SORCS2: variants seen among roughly 807,000 people sequenced by gnomAD.
SORCS2 encodes the protein sortilin related VPS10 domain containing receptor 2.
SORCS2 carries 100 observed loss-of-function variants against 141.6 expected under a neutral mutation model. That is an observed-to-expected ratio of 0.71 (90% CI 0.60 to 0.83). SORCS2 has a LOEUF of 0.83. Among genes scored for constraint, SORCS2 ranks in the 40% least tolerant of loss-of-function variants. The pLI is 0.00. For synonymous variants in SORCS2, 789 were observed against 676.9 expected (o/e 1.17, Z -2.57); for missense variants, 1,646 against 1,560.2 (o/e 1.05, Z -0.93).
intron 1 of SORCS2, among the ~76,000 whole-genome samples, chr4:7,262,361 C>T (rs1032776382): frequency 1.7e-4 from 25 of 145,854 alleles, no homozygotes; most frequent in South Asian, 1.1e-3. Flanking sequence ...CATCCATCCA[C>T]CCACCTATCC....
chr4:7,609,632 G>GA (rs1316660334), intron 3 of SORCS2, among the ~76,000 whole-genome samples: 10 of 152,236 alleles, frequency 6.6e-5, no homozygotes, highest in Admixed American at 5.9e-4. Context: ...CTAGGGCCTG[G>GA]CACATAAATG....
intron 4 of SORCS2, among the ~76,000 whole-genome samples, chr4:7,652,700 C>G (rs1210472570): frequency 6.6e-6 from 1 of 152,180 alleles, no homozygotes; most frequent in East Asian, 1.9e-4. Context: ...CTGCTGCCCC[C>G]AGCTGGGCCC....
chr4:7,199,479 A>G (rs930412018), intron 1 of SORCS2, among the ~76,000 whole-genome samples: 2 of 151,926 alleles, frequency 1.3e-5, no homozygotes, highest in African/African-American at 4.8e-5. Context: ...AGCCTGGTGG[A>G]GGGGCTGCCC....
intron 3 of SORCS2, among the ~76,000 whole-genome samples, chr4:7,610,312 G>A (rs1289646149): frequency 6.6e-6 from 1 of 152,150 alleles, no homozygotes; most frequent in East Asian, 1.9e-4. Flanking sequence ...CCAGTTAAAT[G>A]AGGACACTCA....
chr4:7,666,935 C>T (rs1371342780), intron 7 of SORCS2, among the ~76,000 whole-genome samples, 189 bp from the exon 8 acceptor site: 1 of 151,992 alleles, frequency 6.6e-6, no homozygotes, highest in African/African-American at 2.4e-5. Context: ...AAGACAACTT[C>T]CCAGAGGAGG....
intron 3 of SORCS2, among the ~76,000 whole-genome samples, chr4:7,553,817 G>A (rs576935498): frequency 6.6e-6 from 1 of 152,340 alleles, no homozygotes; most frequent in African/African-American, 2.4e-5. Flanking sequence ...GGAGAGGAAG[G>A]TGAAGGTGGG....
At chr4:7,276,541 C>T (rs1715512845) in intron 1 of SORCS2, among the ~76,000 whole-genome samples, 1 of 152,134 alleles carries the variant, frequency 6.6e-6, no homozygotes, top group Admixed American at 6.5e-5. Context: ...GCTGTGAGGC[C>T]CCCTTATTGC....
chr4:7,354,633 G>A (rs1335893380), intron 1 of SORCS2, among the ~76,000 whole-genome samples: 1 of 152,182 alleles, frequency 6.6e-6, no homozygotes, highest in Non-Finnish European at 1.5e-5. Flanking sequence ...GGGAGCTTCT[G>A]CACACCAAAT....
At chr4:7,537,985 C>T (rs910660587) in intron 3 of SORCS2, among the ~76,000 whole-genome samples, 1 of 152,008 alleles carries the variant, frequency 6.6e-6, no homozygotes, top group Non-Finnish European at 1.5e-5. Context: ...GACACTGTCT[C>T]AAAAGAAAGA....
At chr4:7,315,858 G>C (rs148479424) in intron 1 of SORCS2, among the ~76,000 whole-genome samples, 2 of 152,144 alleles carry the variant, frequency 1.3e-5, no homozygotes, top group Non-Finnish European at 2.9e-5. Flanking sequence ...GGGGAGTGGG[G>C]GAGGAAGAGG....
At chr4:7,543,747 TCCAC>T (rs1560373126) in intron 3 of SORCS2, among the ~76,000 whole-genome samples, 6,443 of 65,536 alleles carry the variant, frequency 0.098, 808 homozygotes, top group Non-Finnish European at 0.12. Flanking sequence ...CATCCACCCA[TCCAC>T]CCATCCACCC....
chr4:7,605,964 G>A (rs988242779), intron 3 of SORCS2, among the ~76,000 whole-genome samples: 2 of 152,202 alleles, frequency 1.3e-5, no homozygotes, highest in African/African-American at 2.4e-5. Flanking sequence ...TGAAGTTACA[G>A]ATGCTGAAAG....
chr4:7,225,731 A>G (rs879722002), intron 1 of SORCS2, among the ~76,000 whole-genome samples: 4 of 151,658 alleles, frequency 2.6e-5, no homozygotes, highest in Admixed American at 6.6e-5. Flanking sequence ...CTGTGCAGAC[A>G]TCTCTCTCTC....
intron 1 of SORCS2, among the ~76,000 whole-genome samples, chr4:7,264,927 G>T (rs12501148): frequency 1.3e-5 from 2 of 152,104 alleles, no homozygotes; most frequent in African/African-American, 4.8e-5. Flanking sequence ...ATTCCCCTGC[G>T]GTGCCCGCCT....
At chr4:7,448,170 C>T (rs991821705) in intron 2 of SORCS2, among the ~76,000 whole-genome samples, 3 of 152,176 alleles carry the variant, frequency 2.0e-5, no homozygotes, top group Non-Finnish European at 4.4e-5. Context: ...TTCGTGCCCC[C>T]CACTGTCCTG....
chr4:7,587,137 C>T (rs1425586810), intron 3 of SORCS2, among the ~76,000 whole-genome samples: 1 of 152,076 alleles, frequency 6.6e-6, no homozygotes, highest in African/African-American at 2.4e-5. Flanking sequence ...CCAGGAAGAA[C>T]ATAATTGCAG....
Position 7,734,325 on chromosome 4 carries a change from G to A in SORCS2, c.3262G>A (p.Val1088Ile). 6.2e-7 allele frequency: 1 copy of A among 1,600,308 alleles called. No individual in the cohort carries two copies. Among genetic ancestry groups the A allele is most frequent in the South Asian group, 1.1e-5 (1 of 87,840 alleles). ...CTACTGGGCGGTAGTGGTGCTGTTT[G>A]TCATCGGGCTCTTCGCAGCGGGAGC... ...GGYWAVVVLFVIGLFAAGAFI... is the reference protein window; with the variant it reads ...GGYWAVVVLFIIGLFAAGAFI... Residue 1088 changes from valine (V) to isoleucine (I), a missense_variant, in exon 25 of 27, where the codon GTC becomes ATC. Coordinates refer to ENST00000507866, the MANE Select transcript of SORCS2 (RefSeq NM_020777.3).
At chr4:7,716,355 C>G (rs557701919) in intron 17 of SORCS2, among the ~76,000 whole-genome samples, 2 of 152,224 alleles carry the variant, frequency 1.3e-5, no homozygotes, top group African/African-American at 4.8e-5. Context: ...CATCTCCCAT[C>G]TACCCATTTA....
At chr4:7,479,432 C>A (rs1313643585) in intron 2 of SORCS2, among the ~76,000 whole-genome samples, 3 of 152,192 alleles carry the variant, frequency 2.0e-5, no homozygotes, top group Non-Finnish European at 4.4e-5. Flanking sequence ...GACAGGACAT[C>A]CTAAGGCTTA....
Sources: gnomAD v4.1 joint callset for allele counts (sites outside exome capture counted in the v4.1 genomes callset) on GRCh38, gnomAD v4.1.1 for gene constraint, MANE v1.5 for transcripts, NCBI Gene and HGNC (gene_info 2026-07-23, HGNC 2026-07-21) for gene names.